DPPA4: variants seen among roughly 807,000 people sequenced by gnomAD.
DPPA4 encodes the protein developmental pluripotency associated 4.
A neutral mutation model predicts 33.7 loss-of-function variants in DPPA4; 22 were observed. The ratio of observed to expected loss-of-function variants is 0.65; its 90% CI spans 0.47 to 0.93. DPPA4 has a LOEUF of 0.93. Ranked by LOEUF, DPPA4 falls within the 40% of genes least tolerant of loss-of-function variation. The probability of loss-of-function intolerance (pLI) is 0.00; values close to 1 mark genes in which losing one functional copy is unlikely to be tolerated. For synonymous variants in DPPA4, 156 were observed against 132.3 expected (o/e 1.18, Z -1.23); for missense variants, 340 against 358.6 (o/e 0.95, Z 0.42).
upstream of DPPA4, among the ~76,000 whole-genome samples, chr3:109,338,227 C>T (rs1708251342): frequency 6.6e-6 from 1 of 152,178 alleles, no homozygotes; most frequent in African/African-American, 2.4e-5. Context: ...CCACTCCCCG[C>T]CCGAGTATTT....
intron 5 of DPPA4, chr3:109,329,741 CT>C (rs1348164143): frequency 1.3e-5 from 2 of 152,520 alleles, no homozygotes; most frequent in Admixed American, 6.5e-5. Context: ...GTTGTACTTT[CT>C]GTAATTCTTC....
chr3:109,329,124 C>T (rs779332015), intron 5 of DPPA4, 36 bp from the exon 6 acceptor site: 4 of 1,591,960 alleles, frequency 2.5e-6, no homozygotes, highest in African/African-American at 1.3e-5. Flanking sequence ...GGTACCCGCA[C>T]ACCAGGATGA....
intron 4 of DPPA4, 85 bp from the exon 5 acceptor site, chr3:109,330,897 A>T: frequency 8.0e-7 from 1 of 1,249,484 alleles, no homozygotes; most frequent in Non-Finnish European, 1.1e-6. Context: ...ATCAAATACA[A>T]AGTTTCACTT....
upstream of DPPA4, among the ~76,000 whole-genome samples, chr3:109,339,146 G>A (rs972099720): frequency 1.3e-5 from 2 of 151,986 alleles, no homozygotes; most frequent in Non-Finnish European, 2.9e-5. Flanking sequence ...AGTCAAGATC[G>A]TGCCATTGCA....
At chr3:109,329,417 C>T (rs1260879393) in intron 5 of DPPA4, 1 of 235,252 alleles carries the variant, frequency 4.3e-6, no homozygotes, top group African/African-American at 2.2e-5. Context: ...GGCCTGTAGT[C>T]CCAGCTACTC....
intron 1 of DPPA4, among the ~76,000 whole-genome samples, chr3:109,335,573 G>A (rs1455135960): frequency 1.3e-5 from 2 of 151,912 alleles, no homozygotes; most frequent in South Asian, 2.1e-4. Context: ...AATTACAGGC[G>A]CCTGCCACCA....
chr3:109,338,078 T>C (rs1335699083), upstream of DPPA4, among the ~76,000 whole-genome samples: 2 of 152,332 alleles, frequency 1.3e-5, no homozygotes, highest in Admixed American at 1.3e-4. Flanking sequence ...TTTTAAAGTC[T>C]ATAGAGTATT....
chr3:109,335,336 C>G (rs745845058), intron 1 of DPPA4, among the ~76,000 whole-genome samples: 17 of 152,052 alleles, frequency 1.1e-4, no homozygotes, highest in Non-Finnish European at 1.6e-4. Context: ...TGTCTCCCCC[C>G]ACTGATCTCA....
chr3:109,337,581 C>G, upstream of DPPA4: 1 of 1,473,034 alleles, frequency 6.8e-7, no homozygotes, highest in Non-Finnish European at 9.5e-7. Context: ...TTCCTGCCGC[C>G]CGAAGACCCT....
rs1381879932 is a variant in DPPA4 at position 109,334,131 on chromosome 3, T to TC, written c.55-139dup. On this transcript the variant is annotated intron_variant, in intron 1 of 6. Coordinates refer to ENST00000335658, the MANE Select transcript of DPPA4 (RefSeq NM_018189.4). The stretch of plus-strand genomic sequence containing the variant: ...GGCAGTGTGGATTCTCCTCTGGGTA[T>TC]CATCTTAATACTCAGTTTCATTTAC... 6.7e-6 allele frequency: 6 copies of TC among 892,220 alleles called. No homozygotes were observed. The Admixed American group carries it at 1.8e-4, about 27-fold the overall frequency. 55.3% of individuals were successfully genotyped at this position (892,220 alleles called of 1,614,324 possible).
rs370511672 is a variant in DPPA4, at chr3:109,326,262, T to C, written c.*1726A>G. On this transcript the variant is annotated 3_prime_UTR_variant, in exon 7 of 7. Coordinates refer to ENST00000335658, the MANE Select transcript of DPPA4 (RefSeq NM_018189.4). ...AAAGCCAAGGACATTTCCAAATTAA[T>C]AGAAAGGAAGGAAACAGAACAGAAA... is the stretch of plus-strand genomic sequence containing the variant. The C allele has an allele frequency of 2.7e-5, 4 of 149,836 alleles. No homozygotes were observed. Among genetic ancestry groups the C allele is most frequent in the South Asian group, 2.1e-4 (1 of 4,806 alleles). 9.3% of individuals were successfully genotyped at this position (149,836 alleles called of 1,614,324 possible).
chr3:109,334,097 G>A, intron 1 of DPPA4, 104 bp from the exon 2 acceptor site: 1 of 1,237,628 alleles, frequency 8.1e-7, no homozygotes, highest in Non-Finnish European at 1.1e-6. Flanking sequence ...GCAGTTACTG[G>A]ACTCCACTGG....
chr3:109,338,698 G>A (rs1009282325), upstream of DPPA4, among the ~76,000 whole-genome samples: 10 of 152,186 alleles, frequency 6.6e-5, no homozygotes. Context: ...GCAGGTTGTG[G>A]ACTGGGCAAC....
chr3:109,333,564 A>C (rs144430636), intron 2 of DPPA4: 12 of 212,882 alleles, frequency 5.6e-5, no homozygotes, highest in Admixed American at 1.7e-4. Flanking sequence ...TGGATCTTCA[A>C]ATTTACAGCT....
At chr3:109,337,554 G>C, upstream of DPPA4, 1 of 1,606,164 alleles carries the variant, frequency 6.2e-7, no homozygotes, top group Non-Finnish European at 8.5e-7. Context: ...ATTGCTATTT[G>C]CAAAGTCTCC....
In DPPA4 at chr3:109,329,262, G is replaced by A. The variant is rs534898370; in HGVS notation, c.680-174C>T. 3.6e-4 allele frequency: 231 copies of A among 642,522 alleles called. 3 individuals carry two copies. The highest frequency in any genetic ancestry group is 2.1e-3 in the Admixed American group (69 of 33,456). The allele number at this position is 642,522 out of a possible 1,614,324, so 39.8% of individuals were successfully genotyped here. ...CTTTAGAAAAGCATACAAGCTGGGC[G>A]CAGTGGCTCACGCTTGTAATCCCAG... On this transcript the variant is annotated intron_variant, in intron 5 of 6. Coordinates refer to ENST00000335658, the MANE Select transcript of DPPA4 (RefSeq NM_018189.4).
chr3:109,334,660 C>T (rs543754154), intron 1 of DPPA4, among the ~76,000 whole-genome samples: 18 of 152,230 alleles, frequency 1.2e-4, no homozygotes, highest in Admixed American at 3.3e-4. Context: ...GGCAGAGTGA[C>T]ACTATGAAAA....
chr3:109,337,622 C>T (rs1384135179), upstream of DPPA4: 6 of 974,334 alleles, frequency 6.2e-6, no homozygotes, highest in Non-Finnish European at 9.9e-6. Context: ...TTCTTTTCTT[C>T]TCCCCTTCTG....
chr3:109,332,104 CT>C (rs571043981), intron 2 of DPPA4, 73 bp from the exon 3 acceptor site: 157 of 1,300,802 alleles, frequency 1.2e-4, no homozygotes, highest in Non-Finnish European at 1.3e-4. Flanking sequence ...AGTAAAATCA[CT>C]TTTTTTTTCT....
Sources: gnomAD v4.1 joint callset for allele counts (sites outside exome capture counted in the v4.1 genomes callset) on GRCh38, gnomAD v4.1.1 for gene constraint, MANE v1.5 for transcripts, NCBI Gene and HGNC (gene_info 2026-07-23, HGNC 2026-07-21) for gene names.